The following RFC3 variants were observed in gnomAD, a reference collection of about 807,000 sequenced individuals.
The protein encoded by RFC3 is A1 38 kDa subunit.
A neutral mutation model predicts 45.1 loss-of-function variants in RFC3; 41 were observed. The observed-to-expected ratio is 0.91, with a 90% CI of 0.71 to 1.18. The LOEUF (loss-of-function observed/expected upper bound fraction) is 1.18, where lower values mean the gene tolerates loss of function less well. Ranked by LOEUF, RFC3 falls within the 50% of genes most tolerant of loss-of-function variation. The pLI, the probability that RFC3 is intolerant of heterozygous loss-of-function variation, is 0.00. For synonymous variants in RFC3, 149 were observed against 144.0 expected (o/e 1.03, Z -0.25); for missense variants, 423 against 428.1 (o/e 0.99, Z 0.10).
At chr13:33,854,391 A>G (rs1057347718) in intron 8 of RFC3, among the ~76,000 whole-genome samples, 2 of 152,218 alleles carry the variant, frequency 1.3e-5, no homozygotes, top group Admixed American at 1.3e-4. Context: ...GAAGTAGACT[A>G]AATTGTTAAG....
intron 8 of RFC3, among the ~76,000 whole-genome samples, chr13:33,852,569 G>A (rs1243642725): frequency 6.6e-6 from 1 of 152,058 alleles, no homozygotes; most frequent in African/African-American, 2.4e-5. Context: ...TATTCACCAG[G>A]AACATTGAGA....
intron 8 of RFC3, among the ~76,000 whole-genome samples, chr13:33,905,225 T>C (rs1481447532): frequency 6.6e-6 from 1 of 151,534 alleles, no homozygotes; most frequent in Non-Finnish European, 1.5e-5. Flanking sequence ...TACAGCACAA[T>C]GATGTTAGAA....
intron 8 of RFC3, among the ~76,000 whole-genome samples, chr13:33,914,473 C>T (rs1418411906): frequency 6.6e-6 from 1 of 152,100 alleles, no homozygotes; most frequent in Non-Finnish European, 1.5e-5. Flanking sequence ...TGTGTACACA[C>T]ATGGCTGATG....
At chr13:33,941,263 A>G (rs1345618501) in intron 8 of RFC3, among the ~76,000 whole-genome samples, 1 of 151,256 alleles carries the variant, frequency 6.6e-6, no homozygotes, top group Non-Finnish European at 1.5e-5. Context: ...TGCCCAATAC[A>G]TTCCTCTCTA....
chr13:33,866,321 C>A (rs573725333), intron 8 of RFC3, among the ~76,000 whole-genome samples: 1 of 152,216 alleles, frequency 6.6e-6, no homozygotes, highest in East Asian at 1.9e-4. Context: ...ATGGGAAGCA[C>A]CCAGAGACCC....
chr13:33,863,361 A>G (rs1256402381), intron 8 of RFC3, among the ~76,000 whole-genome samples: 2 of 152,184 alleles, frequency 1.3e-5, no homozygotes, highest in East Asian at 3.9e-4. Flanking sequence ...CAGACAGTTC[A>G]TCTTCATGCA....
chr13:33,836,985 T>A lies in RFC3; in HGVS notation c.*690T>A. 3.0e-6 allele frequency: 3 copies of A among 984,686 alleles called. No homozygotes were observed. Among genetic ancestry groups the A allele is most frequent in the Non-Finnish European group, 3.6e-6 (3 of 829,286 alleles). The allele number at this position is 984,686 out of a possible 1,614,324, so 61.0% of individuals were successfully genotyped here. On this transcript the variant is annotated 3_prime_UTR_variant, in exon 9 of 9. Coordinates refer to ENST00000380071, the MANE Select transcript of RFC3 (RefSeq NM_002915.4). Reference sequence around the variant, plus strand: ...GTAATTACTCTTTGAACAGGTTTTGTGTTTTGTCATTAGCTCTGCCCTTTT... The same window carrying A: ...GTAATTACTCTTTGAACAGGTTTTGAGTTTTGTCATTAGCTCTGCCCTTTT...
At chr13:33,931,965 T>A (rs1462700901) in intron 8 of RFC3, among the ~76,000 whole-genome samples, 2 of 152,174 alleles carry the variant, frequency 1.3e-5, no homozygotes, top group East Asian at 3.9e-4. Context: ...TCACTGATGG[T>A]GGAATCTTTC....
intron 4 of RFC3, among the ~76,000 whole-genome samples, chr13:33,827,746 A>T (rs538523586): frequency 1.3e-5 from 2 of 152,324 alleles, no homozygotes; most frequent in African/African-American, 4.8e-5. Flanking sequence ...TAAAGATGTT[A>T]TTCTGCTCCT....
chr13:33,906,315 A>C (rs1204891789), intron 8 of RFC3, among the ~76,000 whole-genome samples: 1 of 152,134 alleles, frequency 6.6e-6, no homozygotes, highest in Non-Finnish European at 1.5e-5. Flanking sequence ...ACCGATTTAT[A>C]AGAAAGTCCC....
chr13:33,878,950 G>A (rs991832827), intron 8 of RFC3, among the ~76,000 whole-genome samples: 3 of 152,112 alleles, frequency 2.0e-5, no homozygotes, highest in African/African-American at 7.2e-5. Flanking sequence ...CATAAAAGGG[G>A]ATGAGTGTGT....
In RFC3 at chr13:33,826,748, G is replaced by GT. The variant is rs538985655; in HGVS notation, c.391+869dup. Among the ~76,000 whole-genome samples, 32 of 152,058 alleles carry GT rather than the reference G, an allele frequency of 2.1e-4. 1 individual carries two copies. The highest frequency in any genetic ancestry group is 1.0e-3 in the South Asian group (5 of 4,820). ...TTTTAATTGTATTTTGGTAGTTTGA[G>GT]TTTTTTTAGATGTATATTAATGTAA... is the stretch of plus-strand genomic sequence containing the variant. On this transcript the variant is annotated intron_variant, in intron 4 of 8. Coordinates refer to ENST00000380071, the MANE Select transcript of RFC3 (RefSeq NM_002915.4).
intron 8 of RFC3, among the ~76,000 whole-genome samples, chr13:33,844,162 GCTCTCTTGTT>G (rs1204058414): frequency 3.9e-5 from 6 of 152,174 alleles, no homozygotes; most frequent in Non-Finnish European, 8.8e-5. Context: ...TAGGGTTCAA[GCTCTCTTGTT>G]CTCTCTTTTA....
intron 3 of RFC3, among the ~76,000 whole-genome samples, chr13:33,825,145 A>T (rs147158264): frequency 1.1e-3 from 160 of 152,314 alleles, no homozygotes; most frequent in African/African-American, 3.6e-3. Context: ...ATCAGCCTAA[A>T]TTGACTTCTC....
At position 33,880,264 on chromosome 13, in the gene RFC3, A is replaced by G. The variant is rs745869695; in HGVS notation, c.879+45047A>G. On this transcript the variant is annotated intron_variant, in intron 8 of 8. Transcript: ENST00000434425. ...ATCTGATATGTTTATATAAAAGACA[A>G]CAGGATTCTAATATAGTCAAATTTT... 7.2e-5 allele frequency among the ~76,000 whole-genome samples: 11 copies of G among 152,382 alleles called. No homozygotes were observed. In the South Asian group the frequency reaches 1.7e-3, roughly 23 times the overall value.
chr13:33,818,881 G>GTTTTTTTTTTTTTTTTTTTTTTTTTTTTT (rs72236854), intron 1 of RFC3, among the ~76,000 whole-genome samples: 1 of 112,040 alleles, frequency 8.9e-6, no homozygotes, highest in African/African-American at 3.4e-5. Flanking sequence ...CCTGAGATTA[G>GTTTTTTTTTTTTTTTTTTTTTTTTTTTTT]TTTTTTTTTT....
intron 8 of RFC3, among the ~76,000 whole-genome samples, chr13:33,883,796 G>C (rs1041081041): frequency 6.6e-6 from 1 of 152,158 alleles, no homozygotes; most frequent in Admixed American, 6.5e-5. Flanking sequence ...CGTGGAGAGT[G>C]GGAGGAGAGA....
At chr13:33,970,569 A>G (rs971742126), downstream of RFC3, among the ~76,000 whole-genome samples, 18 of 152,258 alleles carry the variant, frequency 1.2e-4, no homozygotes, top group African/African-American at 4.3e-4. Flanking sequence ...GAAGAAACAG[A>G]TGCTGAGACA....
chr13:33,940,469 T>C (rs955590908), intron 8 of RFC3, among the ~76,000 whole-genome samples: 13 of 152,210 alleles, frequency 8.5e-5, no homozygotes, highest in African/African-American at 3.1e-4. Flanking sequence ...TTTTGGTAAA[T>C]GTTACATGTG....
Sources: allele counts gnomAD v4.1 joint callset (sites outside exome capture counted in the v4.1 genomes callset), GRCh38; gene constraint gnomAD v4.1.1; transcripts MANE v1.5; gene names NCBI Gene and HGNC (gene_info 2026-07-23, HGNC 2026-07-21).